BABAM2: variants seen among roughly 807,000 people sequenced by gnomAD.
The protein encoded by BABAM2 is BRISC and BRCA1-A complex member 2.
Under a neutral mutation model 54.7 loss-of-function variants are expected in BABAM2, and 31 were observed. That is an observed-to-expected ratio of 0.57 (90% CI 0.43 to 0.77). The LOEUF is 0.77. Ranked by LOEUF, BABAM2 falls within the 30% of genes least tolerant of loss-of-function variation. BABAM2 has a pLI of 0.00. For missense variants in BABAM2, 364 were observed against 455.8 expected, an observed-to-expected ratio of 0.80 and a Z score of 1.83; for synonymous variants, 167 against 162.9, an observed-to-expected ratio of 1.03 and a Z score of -0.19.
At chr2:27,964,872 G>A (rs1053533998) in intron 3 of BABAM2, among the ~76,000 whole-genome samples, 6 of 152,142 alleles carry the variant, frequency 3.9e-5, no homozygotes, top group Non-Finnish European at 8.8e-5. Flanking sequence ...CTACCAAGTA[G>A]AAGTTATTAG....
chr2:28,147,752 C>G (rs978918247), intron 7 of BABAM2, among the ~76,000 whole-genome samples: 2 of 152,160 alleles, frequency 1.3e-5, no homozygotes, highest in Non-Finnish European at 2.9e-5. Context: ...GGATAACAGG[C>G]GTGAGCCACT....
At chr2:28,208,095 G>T (rs1437808216) in intron 7 of BABAM2, among the ~76,000 whole-genome samples, 1 of 151,800 alleles carries the variant, frequency 6.6e-6, no homozygotes, top group Non-Finnish European at 1.5e-5. Context: ...TTGAGAATGG[G>T]GTTGATCACC....
intron 7 of BABAM2, among the ~76,000 whole-genome samples, chr2:28,182,026 T>C (rs950060263): frequency 1.1e-4 from 17 of 152,184 alleles, no homozygotes; most frequent in African/African-American, 4.1e-4. Flanking sequence ...CTGAGAGTGA[T>C]CAAGGATCAG....
chr2:28,135,637 A>G (rs1205914603), intron 7 of BABAM2, among the ~76,000 whole-genome samples: 2 of 152,058 alleles, frequency 1.3e-5, no homozygotes, highest in African/African-American at 4.8e-5. Flanking sequence ...TAAACTCATC[A>G]TTCCCCCAAT....
intron 2 of BABAM2, chr2:27,896,448 T>G (rs1458293483): frequency 1.3e-5 from 2 of 152,608 alleles, no homozygotes; most frequent in Non-Finnish European, 2.9e-5. Flanking sequence ...TCCACTTAGG[T>G]GCACCTGGAA....
intron 10 of BABAM2, among the ~76,000 whole-genome samples, chr2:28,284,104 G>A (rs995810560): frequency 1.3e-5 from 2 of 152,168 alleles, no homozygotes; most frequent in Non-Finnish European, 2.9e-5. Flanking sequence ...TGTTTGCACA[G>A]TTTATTCTCT....
intron 4 of BABAM2, among the ~76,000 whole-genome samples, chr2:28,014,614 T>C (rs964570375): frequency 1.3e-5 from 2 of 151,920 alleles, no homozygotes; most frequent in East Asian, 1.9e-4. Context: ...TTTCTTTTTT[T>C]TTTTTTGCCA....
chr2:28,231,891 T>G (rs1162963496), intron 7 of BABAM2, among the ~76,000 whole-genome samples: 2 of 131,952 alleles, frequency 1.5e-5, no homozygotes, highest in Admixed American at 1.7e-4. Flanking sequence ...CATTGTAACC[T>G]CCAACTCCTG....
At chr2:27,977,102 C>T (rs1558631836) in intron 3 of BABAM2, among the ~76,000 whole-genome samples, 1 of 152,234 alleles carries the variant, frequency 6.6e-6, no homozygotes, top group East Asian at 1.9e-4. Context: ...GAATGCTGTG[C>T]AATGGAATAA....
At chr2:28,074,799 C>G (rs987298571) in intron 6 of BABAM2, among the ~76,000 whole-genome samples, 1 of 152,066 alleles carries the variant, frequency 6.6e-6, no homozygotes, top group Non-Finnish European at 1.5e-5. Flanking sequence ...TTCACCACCC[C>G]GAGACTCTCC....
At chr2:28,056,091 G>A (rs1678384264) in intron 6 of BABAM2, among the ~76,000 whole-genome samples, 1 of 152,090 alleles carries the variant, frequency 6.6e-6, no homozygotes, top group Admixed American at 6.6e-5. Context: ...GGTTGGGGGT[G>A]GTGGTGAGTG....
At chr2:28,121,177 G>A (rs554268978) in intron 6 of BABAM2, among the ~76,000 whole-genome samples, 1 of 152,274 alleles carries the variant, frequency 6.6e-6, no homozygotes, top group African/African-American at 2.4e-5. Flanking sequence ...CCTTCATGGA[G>A]TAAAGCCCCG....
chr2:27,928,763 T>G (rs1056321507), intron 2 of BABAM2, among the ~76,000 whole-genome samples: 6 of 152,134 alleles, frequency 3.9e-5, no homozygotes, highest in African/African-American at 1.4e-4. Flanking sequence ...ACATATTACT[T>G]TCTCAATTGA....
intron 10 of BABAM2, among the ~76,000 whole-genome samples, chr2:28,293,600 T>G (rs976450734): frequency 7.9e-5 from 12 of 152,214 alleles, no homozygotes; most frequent in African/African-American, 2.9e-4. Flanking sequence ...AGAGCTTAAT[T>G]CTTCCTCCCT....
intron 10 of BABAM2, among the ~76,000 whole-genome samples, chr2:28,277,927 T>A (rs941284081): frequency 6.6e-6 from 1 of 152,128 alleles, no homozygotes; most frequent in Non-Finnish European, 1.5e-5. Context: ...AGAAACCCCC[T>A]CAGAAGGGTT....
chr2:28,244,152 T>G, intron 9 of BABAM2, among the ~76,000 whole-genome samples: 1 of 152,150 alleles, frequency 6.6e-6, no homozygotes, highest in Admixed American at 6.5e-5. Flanking sequence ...TCCACCCATC[T>G]AGTGTTGCTA....
intron 3 of BABAM2, among the ~76,000 whole-genome samples, chr2:27,968,926 T>G (rs766125177): frequency 1.2e-4 from 19 of 152,252 alleles, no homozygotes; most frequent in Admixed American, 8.5e-4. Context: ...TTTTGAAATG[T>G]GAGGACATGA....
chr2:28,037,350 A>T (rs571466770), intron 5 of BABAM2, among the ~76,000 whole-genome samples: 8 of 152,162 alleles, frequency 5.3e-5, no homozygotes, highest in Non-Finnish European at 1.2e-4. Flanking sequence ...TTTTAACTCA[A>T]TATAGCTCAG....
intron 4 of BABAM2, among the ~76,000 whole-genome samples, chr2:27,988,722 G>T (rs903753527): frequency 2.0e-5 from 3 of 152,122 alleles, no homozygotes; most frequent in Non-Finnish European, 4.4e-5. Flanking sequence ...TACTAAAAAA[G>T]TTGTGTGTTT....
Sources: allele counts gnomAD v4.1 joint callset (sites outside exome capture counted in the v4.1 genomes callset), GRCh38; gene constraint gnomAD v4.1.1; transcripts MANE v1.5; gene names NCBI Gene and HGNC (gene_info 2026-07-23, HGNC 2026-07-21).